TTC5: variants seen among roughly 807,000 people sequenced by gnomAD.
TTC5 encodes the protein tetratricopeptide repeat protein 5.
TTC5 carries 46 observed loss-of-function variants against 57.4 expected under a neutral mutation model. The ratio of observed to expected loss-of-function variants is 0.80; its 90% CI spans 0.63 to 1.03. The LOEUF is 1.03. Among genes scored for constraint, TTC5 ranks in the 50% least tolerant of loss-of-function variants. The probability of loss-of-function intolerance (pLI) is 0.00; values close to 1 mark genes in which losing one functional copy is unlikely to be tolerated. For missense variants in TTC5, 504 were observed against 528.1 expected (o/e 0.95, Z 0.45); for synonymous variants, 190 against 203.5 (o/e 0.93, Z 0.57).
chr14:20,301,987 C>G (rs972891584), intron 1 of TTC5, 22 bp from the exon 2 acceptor site: 19 of 1,612,982 alleles, frequency 1.2e-5, no homozygotes, highest in Admixed American at 3.3e-5. Context: ...GACAATGGAA[C>G]CATTAAGTGG....
chr14:20,287,080 T>C lies in TTC5; in HGVS notation c.*2547A>G, dbSNP rs1881852802. ...ATATAAGCACTTTGGAAATGTTTAG[T>C]GCTTCTCAAAAAAGTTGAACATGTA... On this transcript the variant is annotated 3_prime_UTR_variant, in exon 10 of 10. Transcript: ENST00000258821. 1 of 152,206 alleles carries C rather than the reference T, an allele frequency of 6.6e-6. No homozygotes were observed. The highest frequency in any genetic ancestry group is 1.5e-5 in the Non-Finnish European group (1 of 68,034). 9.4% of individuals were successfully genotyped at this position (152,206 alleles called of 1,614,324 possible). A position where few individuals can be genotyped will look rare whatever the true frequency, so the allele number is the denominator to read the frequency against.
chr14:20,298,011 G>A (rs887963800), intron 5 of TTC5, among the ~76,000 whole-genome samples: 1 of 152,166 alleles, frequency 6.6e-6, no homozygotes, highest in Admixed American at 6.5e-5. Flanking sequence ...TCCCTGAATT[G>A]CAAACATGAA....
chr14:20,305,586 G>A, intron 1 of TTC5: 1 of 496,666 alleles, frequency 2.0e-6, no homozygotes, highest in South Asian at 2.5e-5. Context: ...ACATGTATAT[G>A]CTATTCGCTA....
At chr14:20,299,134 C>G (rs1046920925) in intron 4 of TTC5, among the ~76,000 whole-genome samples, 164 bp downstream of exon 4, 14 of 152,112 alleles carry the variant, frequency 9.2e-5, no homozygotes, top group African/African-American at 3.1e-4. Flanking sequence ...TCGAAGAGTT[C>G]CTAGAAAAGT....
intron 3 of TTC5, 143 bp downstream of exon 3, chr14:20,300,464 G>T: frequency 4.4e-6 from 3 of 683,248 alleles, no homozygotes; most frequent in African/African-American, 1.8e-5. Context: ...ATTCAGGTCT[G>T]CTCTCTGACC....
At chr14:20,303,703 T>C (rs1882237026) in intron 1 of TTC5, among the ~76,000 whole-genome samples, 1 of 152,174 alleles carries the variant, frequency 6.6e-6, no homozygotes, top group Non-Finnish European at 1.5e-5. Flanking sequence ...TTCAAATAGT[T>C]TCCCATTGCA....
chr14:20,297,626 G>A lies in TTC5; in HGVS notation c.639+1171C>T, dbSNP rs150823150. 2.6e-5 allele frequency among the ~76,000 whole-genome samples: 4 copies of A among 152,058 alleles called. No homozygotes were observed. In the East Asian group the frequency reaches 7.7e-4, roughly 29 times the overall value. Reference sequence around the variant, plus strand: ...CCTCTACTAAAAATACAAAAATTAGGCGGGCATGGTGTGGCACGTGCCTGT... The same window carrying A: ...CCTCTACTAAAAATACAAAAATTAGACGGGCATGGTGTGGCACGTGCCTGT... On this transcript the variant is annotated intron_variant, in intron 5 of 9. Transcript: ENST00000258821.
At chr14:20,304,566 T>C (rs78058570) in intron 1 of TTC5, among the ~76,000 whole-genome samples, 1,681 of 152,328 alleles carry the variant, frequency 0.011, 10 homozygotes, top group Non-Finnish European at 0.016. Context: ...TTTCCTCTTC[T>C]CTACTTCACT....
At position 20,301,685 on chromosome 14, in the gene TTC5, A is replaced by G. The variant is rs1344965166; in HGVS notation, c.184+148T>C. On this transcript the variant is annotated intron_variant, in intron 2 of 9. Transcript: ENST00000258821. ...TAGGAAAAGTGGCTTAGGGAATGAA[A>G]GGTTGCACAGGGGCCCTGAGAAGTA... 29 of 972,480 alleles carry G rather than the reference A, an allele frequency of 3.0e-5. No homozygotes were observed. The Admixed American group carries it at 4.2e-4, about 14-fold the overall frequency. 60.2% of individuals were successfully genotyped at this position (972,480 alleles called of 1,614,324 possible).
chr14:20,300,155 ATTTTTTTTTT>A (rs765208751), intron 3 of TTC5, among the ~76,000 whole-genome samples: 2 of 89,322 alleles, frequency 2.2e-5, no homozygotes, highest in African/African-American at 9.1e-5. Flanking sequence ...ATATATATAT[ATTTTTTTTTT>A]TTTTTTTTTT....
chr14:20,295,443 A>G lies in TTC5; in HGVS notation c.927T>C (p.Tyr309=), dbSNP rs1882040927. 3 of 1,614,118 alleles carry G rather than the reference A, an allele frequency of 1.9e-6. No individual in the cohort carries two copies. The East Asian group carries it at 6.7e-5, about 36-fold the overall frequency. ...TCACTTTCTGCCCAGAGGCTGACTG[A>G]TAGTGCCCATCACTGCAAGGGCCTA... ...AHLGPCSDGH[Y]QSASGQKVTL... Residue 309 remains tyrosine (Y), a synonymous_variant, in exon 8 of 10, where the codon TAT becomes TAC. Coordinates refer to ENST00000258821, the MANE Select transcript of TTC5 (RefSeq NM_138376.3).
chr14:20,305,902 G>A lies in TTC5; in HGVS notation c.36C>T (p.Ile12=). ...ACGGCCCCACCTGCAATTTCTGCAA[G>A]ATCGGCTTGACTTCTTCCTCTTCAT... ...MADEEEEVKP[I]LQKLQELVDQ... The change falls in exon 1 of 10, where the codon ATC becomes ATT. Residue 12 remains isoleucine (I), a synonymous_variant. Coordinates refer to ENST00000258821, the MANE Select transcript of TTC5 (RefSeq NM_138376.3). The A allele has an allele frequency of 6.2e-7, 1 of 1,614,088 alleles. No individual in the cohort carries two copies. Among genetic ancestry groups the A allele is most frequent in the Non-Finnish European group, 8.5e-7 (1 of 1,180,022 alleles).
intron 5 of TTC5, 113 bp from the exon 6 acceptor site, chr14:20,296,559 A>G: frequency 1.2e-6 from 1 of 868,022 alleles, no homozygotes; most frequent in Non-Finnish European, 1.9e-6. Context: ...CTTCCTTGCC[A>G]AAATGGTATT....
At position 20,289,579 on chromosome 14, in the gene TTC5, A is replaced by G. The variant is rs2138802643; in HGVS notation, c.*48T>C. 1.3e-6 allele frequency: 2 copies of G among 1,577,516 alleles called. No individual in the cohort carries two copies. The highest frequency in any genetic ancestry group is 2.2e-5 in the East Asian group (1 of 44,494). On this transcript the variant is annotated 3_prime_UTR_variant, in exon 10 of 10. Transcript: ENST00000258821. Reference sequence around the variant, plus strand: ...GGATGTGGCTGGACCGGCTGTCCAGAGCCTTGTCTCCTCTCCTCCACTCCC... The same window carrying G: ...GGATGTGGCTGGACCGGCTGTCCAGGGCCTTGTCTCCTCTCCTCCACTCCC...
rs556601708 is a variant in TTC5, at chr14:20,288,207, A to C, written c.*1420T>G. ...CAGATAGATAGATAGATAGATAGACAGATAGATAGATAAAACTTCTCTCAT... is the reference window on the plus strand; with the variant it reads ...CAGATAGATAGATAGATAGATAGACCGATAGATAGATAAAACTTCTCTCAT... On this transcript the variant is annotated 3_prime_UTR_variant, in exon 10 of 10. Transcript: ENST00000258821. 1 of 134,796 alleles carries C rather than the reference A, an allele frequency of 7.4e-6. No homozygotes were observed. Among genetic ancestry groups the C allele is most frequent in the East Asian group, 1.9e-4 (1 of 5,178 alleles). The allele number at this position is 134,796 out of a possible 1,614,324, so 8.3% of individuals were successfully genotyped here.
At chr14:20,301,409 C>T (rs1464362920) in intron 2 of TTC5, among the ~76,000 whole-genome samples, 1 of 152,150 alleles carries the variant, frequency 6.6e-6, no homozygotes, top group Non-Finnish European at 1.5e-5. Flanking sequence ...ACAATGGACA[C>T]TTAAATACCA....
rs1717707535 is a variant in TTC5 at position 20,289,711 on chromosome 14, G to A, written c.1239C>T (p.Pro413=). Residue 413 remains proline, a synonymous_variant, in exon 10 of 10, where the codon CCC becomes CCT. Transcript: ENST00000258821. ...YSFSSVRVET[P]LLLVVNGKPQ... is the part of the protein sequence containing the mutation. ...GCTTCCCATTCACCACTAGCAGGAG[G>A]GGCGTCTCCACTCGAACACTGGAAA... The A allele has an allele frequency of 6.2e-7, 1 of 1,613,810 alleles. No homozygotes were observed. Among genetic ancestry groups the A allele is most frequent in the Non-Finnish European group, 8.5e-7 (1 of 1,179,812 alleles).
At chr14:20,305,722 C>T (rs1224616063) in intron 1 of TTC5, 165 bp downstream of exon 1, 19 of 677,856 alleles carry the variant, frequency 2.8e-5, no homozygotes. Context: ...TCCAACGAGG[C>T]TCCCTGGCTG....
intron 2 of TTC5, among the ~76,000 whole-genome samples, chr14:20,301,384 A>T (rs1421908434): frequency 6.6e-6 from 1 of 152,240 alleles, no homozygotes; most frequent in African/African-American, 2.4e-5. Context: ...AGATAAGGTT[A>T]GAAAACAGAG....
Sources: gnomAD v4.1 joint callset for allele counts (sites outside exome capture counted in the v4.1 genomes callset) on GRCh38, gnomAD v4.1.1 for gene constraint, MANE v1.5 for transcripts, NCBI Gene and HGNC (gene_info 2026-07-23, HGNC 2026-07-21) for gene names.